Variants in SLC16A11 observed in about 807,000 individuals in gnomAD.
SLC16A11 encodes the protein solute carrier family 16 member 11, also known as monocarboxylate transporter 11.
A neutral mutation model predicts 26.0 loss-of-function variants in SLC16A11; 24 were observed. That is an observed-to-expected ratio of 0.92 (90% CI 0.67 to 1.30). The LOEUF is 1.30. Ranked by LOEUF, SLC16A11 falls within the 50% of genes most tolerant of loss-of-function variation. SLC16A11 has a pLI of 0.00. For synonymous variants in SLC16A11, 332 were observed against 296.0 expected (o/e 1.12, Z -1.25); for missense variants, 638 against 597.7 (o/e 1.07, Z -0.70).
chr17:7,043,510 T>C lies in SLC16A11; in HGVS notation c.4A>G (p.Thr2Ala), dbSNP rs1285524859. 1 of 1,597,184 alleles carries C rather than the reference T, an allele frequency of 6.3e-7. No homozygotes were observed. Among genetic ancestry groups the C allele is most frequent in the South Asian group, 1.1e-5 (1 of 90,882 alleles). Residue 2 changes from threonine to alanine, a missense_variant, in exon 2 of 5, where the codon ACC (threonine) becomes GCC (alanine). Thr to Ala is a moderately conservative substitution (Grantham distance 58). Transcript: ENST00000574600. ...TCCGGGGGTCCGGCGGGCTGGGGGG[T>C]CATCGCCGTCTGCGGGGTGGGGAAA... Reference protein sequence around the residue: MTPQPAGPPDGG... With the variant: MAPQPAGPPDGG...
chr17:7,041,704 C>T lies in SLC16A11; in HGVS notation c.1319G>A (p.Gly440Asp). 1.9e-6 allele frequency: 3 copies of T among 1,610,198 alleles called. No homozygotes were observed. The highest frequency in any genetic ancestry group is 2.5e-6 in the Non-Finnish European group (3 of 1,178,250). The change falls in exon 5 of 5, where the codon GGC (glycine) becomes GAC (aspartate). Residue 440 changes from glycine (G) to aspartate (D), a missense_variant. Coordinates refer to ENST00000574600, the MANE Select transcript of SLC16A11 (RefSeq NM_001370549.1). ...QAVLLSPGGPGSTLDTTC is the reference protein window; with the variant it reads ...QAVLLSPGGPDSTLDTTC The stretch of plus-strand genomic sequence containing the variant: ...TCAACAAGTGGTGTCCAGAGTGGAG[C>T]CAGGGCCTCCTGGGGACAGCAAGAC...
chr17:7,041,773 G>A lies in SLC16A11; in HGVS notation c.1250C>T (p.Thr417Met), dbSNP rs748377046. 17 of 1,613,618 alleles carry A rather than the reference G, an allele frequency of 1.1e-5. No homozygotes were observed. The South Asian group carries it at 1.3e-4, about 13-fold the overall frequency. ...CAGCTCCCCCGTCTCTGGGGGAGGC[G>A]TGGCTGGAGGGGAGGCTGGACCACA... ...PSCGPASPPA[T>M]PPPETGELLP... The change falls in exon 5 of 5, where the codon ACG (threonine) becomes ATG (methionine). Residue 417 changes from threonine (T) to methionine (M), a missense_variant. Coordinates refer to ENST00000574600, the MANE Select transcript of SLC16A11 (RefSeq NM_001370549.1).
intron 2 of SLC16A11, 63 bp from the exon 3 acceptor site, chr17:7,043,136 C>T (rs1597347867): frequency 6.8e-7 from 1 of 1,467,278 alleles, no homozygotes; most frequent in African/African-American, 1.4e-5. Context: ...TCCAACACTT[C>T]TCATTGGCTG....
Position 7,043,713 on chromosome 17 carries a change from C to A in SLC16A11, c.-7+62G>T, listed in dbSNP as rs1910878772. 21 of 1,155,766 alleles carry A rather than the reference C, an allele frequency of 1.8e-5. No homozygotes were observed. In the South Asian group the frequency reaches 3.4e-4, roughly 19 times the overall value. 71.6% of individuals were successfully genotyped at this position (1,155,766 alleles called of 1,614,324 possible). On this transcript the variant is annotated intron_variant, in intron 1 of 4. Coordinates refer to ENST00000574600, the MANE Select transcript of SLC16A11 (RefSeq NM_001370549.1). Reference sequence around the variant, plus strand: ...CCCGGGTCCGCGCGAGGTACGGGGACGGGGACAGCCAGATCCCCAGGCCCG... The same window carrying A: ...CCCGGGTCCGCGCGAGGTACGGGGAAGGGGACAGCCAGATCCCCAGGCCCG...
chr17:7,043,293 G>A lies in SLC16A11; in HGVS notation c.202+19C>T, dbSNP rs775762753. The A allele has an allele frequency of 5.0e-5, 80 of 1,592,368 alleles. No individual in the cohort carries two copies. Among genetic ancestry groups the A allele is most frequent in the Non-Finnish European group, 6.2e-5 (73 of 1,170,588 alleles). On this transcript the variant is annotated intron_variant, in intron 2 of 4. Transcript: ENST00000574600. Reference sequence around the variant, plus strand: ...CTCCTCCTCCCCGTTCCTGTCTCCCGCCTCAGGGCCCCCCTCACTGGCTGC... The same window carrying A: ...CTCCTCCTCCCCGTTCCTGTCTCCCACCTCAGGGCCCCCCTCACTGGCTGC...
rs368069139 is a variant in SLC16A11, at chr17:7,043,068, C to A, written c.208G>T (p.Val70Leu). The change falls in exon 3 of 5, where the codon GTG becomes TTG. Residue 70 changes from valine to leucine, a missense_variant. Transcript: ENST00000574600. ...ALAVQQAASP[V>L]GSALSTRWGA... ...CAGCGCGTGCTCAGGGCGCTGCCCA[C>A]GGGGCCTGAAAGGGGGCGGAGTCAA... The A allele has an allele frequency of 3.2e-6, 5 of 1,545,650 alleles. No homozygotes were observed. In the East Asian group the frequency reaches 7.2e-5, roughly 22 times the overall value.
In SLC16A11 at chr17:7,043,820, T is replaced by C. The variant is rs999722341; in HGVS notation, c.-52A>G. 3.0e-5 allele frequency: 14 copies of C among 468,964 alleles called. No individual in the cohort carries two copies. The highest frequency in any genetic ancestry group is 6.1e-5 in the African/African-American group (3 of 49,258). 29.1% of individuals were successfully genotyped at this position (468,964 alleles called of 1,614,324 possible). On this transcript the variant is annotated 5_prime_UTR_variant, in exon 1 of 5. Transcript: ENST00000574600. ...GGGGAGGGGAAGGGTGAGGAAGGGC[T>C]GGGCCCGGCTTTCTCTCTGCTTCCC...
chr17:7,041,752 T>TC lies in SLC16A11; in HGVS notation c.1270dup (p.Glu424GlyfsTer36), dbSNP rs768937581. 16 of 1,612,402 alleles carry TC rather than the reference T, an allele frequency of 9.9e-6. No individual in the cohort carries two copies. The highest frequency in any genetic ancestry group is 1.3e-5 in the African/African-American group (1 of 74,624). On this transcript the variant is annotated frameshift_variant, in exon 5 of 5. Coordinates refer to ENST00000574600, the MANE Select transcript of SLC16A11 (RefSeq NM_001370549.1). LOFTEE classifies it low-confidence loss of function (END_TRUNC). ...GACTGCCTGGGGAGCGGGAAGCAGC[T>TC]CCCCCGTCTCTGGGGGAGGCGTGGC...
At position 7,042,051 on chromosome 17, in the gene SLC16A11, T is replaced by C. The variant is rs370026088; in HGVS notation, c.1059A>G (p.Thr353=). ...GGCTCATCAGCATCATCACCAGCCC[T>C]GTGGCCTGCACCACACCTCCGACGC... ...LVGVGGVVQA[T]GLVMMLMSLG... The change falls in exon 4 of 5, where the codon ACA becomes ACG. Residue 353 remains threonine (T), a synonymous_variant. Coordinates refer to ENST00000574600, the MANE Select transcript of SLC16A11 (RefSeq NM_001370549.1). The surrounding 1 kb of genome is among the most constrained non-coding windows in gnomAD (Gnocchi z 5.9). 89 of 1,600,466 alleles carry C rather than the reference T, an allele frequency of 5.6e-5. No individual in the cohort carries two copies. The Middle Eastern group carries it at 8.4e-4, about 15-fold the overall frequency.
chr17:7,042,908 C>T lies in SLC16A11; in HGVS notation c.346+22G>A. ...TGTCACCTCCTTCACCCTGAATGAC[C>T]CGGGCATCCCACTTCCCTCACCAGC... On this transcript the variant is annotated intron_variant, in intron 3 of 4. Transcript: ENST00000574600. This position sits in a 1 kb window ranked among gnomAD's most constrained non-coding sequence, Gnocchi z 5.9. The T allele has an allele frequency of 6.2e-7, 1 of 1,612,680 alleles. No individual in the cohort carries two copies. The highest frequency in any genetic ancestry group is 1.3e-5 in the African/African-American group (1 of 74,974).
chr17:7,043,121 C>G (rs1254852629), intron 2 of SLC16A11, 48 bp from the exon 3 acceptor site: 2 of 1,482,506 alleles, frequency 1.3e-6, no homozygotes, highest in Non-Finnish European at 1.8e-6. Flanking sequence ...GGCCCCCAAA[C>G]TCTCTCCAAC....
In SLC16A11 at chr17:7,042,808, C is replaced by T. The variant is rs919530396; in HGVS notation, c.347-45G>A. 5 of 1,552,620 alleles carry T rather than the reference C, an allele frequency of 3.2e-6. No homozygotes were observed. The highest frequency in any genetic ancestry group is 3.9e-5 in the Admixed American group (2 of 51,752). On this transcript the variant is annotated intron_variant, in intron 3 of 4. Coordinates refer to ENST00000574600, the MANE Select transcript of SLC16A11 (RefSeq NM_001370549.1). The surrounding 1 kb of genome is among the most constrained non-coding windows in gnomAD (Gnocchi z 5.9). ...GATGGGGGCCGGCACTGGGGACGCC[C>T]GCCCCAGCATTCCCAGCCCGGCTCT... is the stretch of plus-strand genomic sequence containing the variant.
rs763774233 is a variant in SLC16A11, at chr17:7,042,047, G to T, written c.1063C>A (p.Leu355Met). ...CCGAGGCTCATCAGCATCATCACCAGCCCTGTGGCCTGCACCACACCTCCG... is the reference window on the plus strand; with the variant it reads ...CCGAGGCTCATCAGCATCATCACCATCCCTGTGGCCTGCACCACACCTCCG... ...GVGGVVQATGLVMMLMSLGGL... is the reference protein window; with the variant it reads ...GVGGVVQATGMVMMLMSLGGL... The change falls in exon 4 of 5, where the codon CTG becomes ATG. Residue 355 changes from leucine (L) to methionine (M), a missense_variant. Physicochemically the swap from Leu to Met is conservative, Grantham distance 15. Transcript: ENST00000574600. This position sits in a 1 kb window ranked among gnomAD's most constrained non-coding sequence, Gnocchi z 5.9. The T allele has an allele frequency of 1.3e-6, 2 of 1,598,544 alleles. No individual in the cohort carries two copies. Among genetic ancestry groups the T allele is most frequent in the Non-Finnish European group, 1.7e-6 (2 of 1,170,642 alleles).
chr17:7,042,738 G>A lies in SLC16A11; in HGVS notation c.372C>T (p.Ala124=). Residue 124 remains alanine (A), a synonymous_variant, in exon 4 of 5, where the codon GCC becomes GCT. Transcript: ENST00000574600. The surrounding 1 kb of genome is among the most constrained non-coding windows in gnomAD (Gnocchi z 5.9). The part of the protein sequence containing the change: ...LAGFGWALVF[A]PALGTLSRYF... Reference sequence around the variant, plus strand: ...AACGCGAGAGGGTGCCTAGGGCGGGGGCGAACACCAGGGCCCAACCAAAGC... The same window carrying A: ...AACGCGAGAGGGTGCCTAGGGCGGGAGCGAACACCAGGGCCCAACCAAAGC... 6.5e-7 allele frequency: 1 copy of A among 1,541,366 alleles called. No homozygotes were observed. Among genetic ancestry groups the A allele is most frequent in the Non-Finnish European group, 8.7e-7 (1 of 1,147,168 alleles).
chr17:7,042,523 G>C lies in SLC16A11; in HGVS notation c.587C>G (p.Pro196Arg). The change falls in exon 4 of 5, where the codon CCT becomes CGT. Residue 196 changes from proline to arginine, a missense_variant. Physicochemically the swap from Pro to Arg is moderately radical, Grantham distance 103. Coordinates refer to ENST00000574600, the MANE Select transcript of SLC16A11 (RefSeq NM_001370549.1). This position sits in a 1 kb window ranked among gnomAD's most constrained non-coding sequence, Gnocchi z 5.9. Reference sequence around the variant, plus strand: ...ACGCGGTGGGGCTGGGGGGTCTCCAGGAAGGACCAGGGGTAGCAGCAGGGC... The same window carrying C: ...ACGCGGTGGGGCTGGGGGGTCTCCACGAAGGACCAGGGGTAGCAGCAGGGC... The part of the protein sequence containing the change: ...CGALLLPLVL[P>R]GDPPAPPRSP... 2 of 1,567,402 alleles carry C rather than the reference G, an allele frequency of 1.3e-6. No individual in the cohort carries two copies. Among genetic ancestry groups the C allele is most frequent in the Non-Finnish European group, 1.7e-6 (2 of 1,156,544 alleles).
intron 2 of SLC16A11, 78 bp from the exon 3 acceptor site, chr17:7,043,151 C>T: frequency 6.8e-7 from 1 of 1,460,126 alleles, no homozygotes; most frequent in Non-Finnish European, 9.0e-7. Flanking sequence ...TGGCTGTTTG[C>T]CTCCCTCGAA....
chr17:7,043,044 A>C lies in SLC16A11; in HGVS notation c.232T>G (p.Trp78Gly), dbSNP rs559690673. ...ACCATCACCACGGGGCGGGCCCCCCAGCGCGTGCTCAGGGCGCTGCCCACG... is the reference window on the plus strand; with the variant it reads ...ACCATCACCACGGGGCGGGCCCCCCCGCGCGTGCTCAGGGCGCTGCCCACG... ...SPVGSALSTR[W>G]GARPVVMVGG... Residue 78 changes from tryptophan to glycine, a missense_variant, in exon 3 of 5, where the codon TGG becomes GGG. By Grantham distance (184) the Trp-to-Gly change is radical. Transcript: ENST00000574600. The C allele has an allele frequency of 1.3e-6, 2 of 1,569,904 alleles. No individual in the cohort carries two copies. The highest frequency in any genetic ancestry group is 2.3e-5 in the South Asian group (2 of 86,626).
rs763296739 is a variant in SLC16A11, at chr17:7,042,288, C to T, written c.822G>A (p.Gly274=). 9 of 1,564,104 alleles carry T rather than the reference C, an allele frequency of 5.8e-6. No homozygotes were observed. In the Admixed American group the frequency reaches 9.3e-5, roughly 16 times the overall value. The change falls in exon 4 of 5, where the codon GGG becomes GGA. Residue 274 remains glycine, a synonymous_variant. Coordinates refer to ENST00000574600, the MANE Select transcript of SLC16A11 (RefSeq NM_001370549.1). This position sits in a 1 kb window ranked among gnomAD's most constrained non-coding sequence, Gnocchi z 5.9. ...MGDAGARLVC[G]WLADQGWVPL... is the part of the protein sequence containing the mutation. Reference sequence around the variant, plus strand: ...GCACCCAGCCTTGGTCTGCCAGCCACCCGCAGACCAGCCGGGCGCCCGCAT... The same window carrying T: ...GCACCCAGCCTTGGTCTGCCAGCCATCCGCAGACCAGCCGGGCGCCCGCAT...
Position 7,042,395 on chromosome 17 carries a change from CGTAAGGAACGAA to C in SLC16A11, c.703_714del (p.Phe235_Tyr238del). The C allele has an allele frequency of 6.4e-7, 1 of 1,563,934 alleles. No individual in the cohort carries two copies. The highest frequency in any genetic ancestry group is 1.2e-5 in the South Asian group (1 of 85,348). On this transcript the variant is annotated inframe_deletion, in exon 4 of 5. Coordinates refer to ENST00000574600, the MANE Select transcript of SLC16A11 (RefSeq NM_001370549.1). This position sits in a 1 kb window ranked among gnomAD's most constrained non-coding sequence, Gnocchi z 5.9. ...TCTAAAGCGTGGGGAGCCAAGTGCA[CGTAAGGAACGAA>C]GTACCCGCCCCCAACCAGGGCTGTG...
Sources: gnomAD v4.1 joint callset for allele counts on GRCh38, gnomAD v4.1.1 for gene constraint, Gnocchi (gnomAD v3.1) non-coding constraint, MANE v1.5 for transcripts, NCBI Gene and HGNC (gene_info 2026-07-23, HGNC 2026-07-21) for gene names.